ALG13: variants seen among roughly 807,000 people sequenced by gnomAD.
ALG13 encodes the protein UDP-N-acetylglucosamine transferase subunit ALG13.
Under a neutral mutation model 87.8 loss-of-function variants are expected in ALG13, and 11 were observed. That is an observed-to-expected ratio of 0.13 (90% CI 0.08 to 0.21). The LOEUF (loss-of-function observed/expected upper bound fraction) is 0.21. ALG13 is among the 10% of genes least tolerant of loss of function. ALG13 has a pLI of 1.00. For missense variants in ALG13, 756 were observed against 866.1 expected, an observed-to-expected ratio of 0.87 and a Z score of 1.60; for synonymous variants, 320 against 306.3, an observed-to-expected ratio of 1.04 and a Z score of -0.47.
intron 2 of ALG13, among the ~76,000 whole-genome samples, chrX:111,683,326 A>AT (rs763991466): frequency 0.052 from 3,277 of 63,544 alleles, 203 homozygotes; most frequent in African/African-American, 0.17. Flanking sequence ...CTTTCTTTCT[A>AT]TTTTTTTTTT....
At position 111,681,939 on chromosome X, in the gene ALG13, T is replaced by C. The variant is rs1036634000; in HGVS notation, c.82-193T>C. 5 of 873,200 alleles carry C rather than the reference T, an allele frequency of 5.7e-6. No homozygotes were observed. In the African/African-American group the frequency reaches 1.1e-4, roughly 19 times the overall value. 72.0% of individuals were successfully genotyped at this position (873,200 alleles called of 1,213,427 possible). ...CTGCGAGCTGGGTCGCTTAGATTCATGAGTGCTTGGGAGGTTCCTCGTCGG... is the reference window on the plus strand; with the variant it reads ...CTGCGAGCTGGGTCGCTTAGATTCACGAGTGCTTGGGAGGTTCCTCGTCGG... On this transcript the variant is annotated intron_variant, in intron 1 of 26. Transcript: ENST00000394780.
intron 11 of ALG13, 24 bp from the exon 12 acceptor site, chrX:111,721,579 G>A: frequency 2.1e-6 from 2 of 944,339 alleles, no homozygotes; most frequent in Non-Finnish European, 1.5e-6. Flanking sequence ...TTGTGAGTTT[G>A]TAGCATGATT....
At chrX:111,755,823 T>G (rs1945193785) in intron 25 of ALG13, among the ~76,000 whole-genome samples, 1 of 111,917 alleles carries the variant, frequency 8.9e-6, no homozygotes, top group Non-Finnish European at 1.9e-5. Flanking sequence ...TTGGTTGGAG[T>G]GTAAATTAGT....
intron 26 of ALG13, 72 bp downstream of exon 26, chrX:111,757,834 C>A: frequency 1.0e-6 from 1 of 1,003,373 alleles, no homozygotes; most frequent in Non-Finnish European, 1.4e-6. Context: ...TAATAGCTTT[C>A]ATATATTTCA....
intron 2 of ALG13, among the ~76,000 whole-genome samples, chrX:111,683,249 G>A (rs1283717512): frequency 9.1e-6 from 1 of 110,012 alleles, no homozygotes; most frequent in African/African-American, 3.3e-5. Context: ...TGTCCAGCCG[G>A]GAAGTGGTGG....
chrX:111,723,135 T>TTATG (rs886176837), intron 13 of ALG13, among the ~76,000 whole-genome samples: 1 of 106,965 alleles, frequency 9.3e-6, no homozygotes, highest in African/African-American at 3.4e-5. Context: ...TTTTTTATTT[T>TTATG]TATTTATTTA....
Position 111,726,914 on chromosome X carries a change from C to T in ALG13, c.1835C>T (p.Pro612Leu), listed in dbSNP as rs1277508323. ...TACGGCAAGGGAGACCCCCTCCTCC[C>T]ACCCAGGCTGCAGCACAGTATGCAT... ...MAYGKGDPLL[P>L]PRLQHSMHYG... The change falls in exon 16 of 27, where the codon CCA (proline) becomes CTA (leucine). Residue 612 changes from proline (P) to leucine (L), a missense_variant. Transcript: ENST00000394780. 1 of 1,209,595 alleles carries T rather than the reference C, an allele frequency of 8.3e-7. No individual in the cohort carries two copies. The highest frequency in any genetic ancestry group is 1.1e-6 in the Non-Finnish European group (1 of 895,090).
At chrX:111,695,536 A>C (rs1306899363) in intron 3 of ALG13, among the ~76,000 whole-genome samples, 3 of 110,118 alleles carry the variant, frequency 2.7e-5, no homozygotes, top group Admixed American at 1.9e-4. Flanking sequence ...AAAAAAAAAA[A>C]AACAAACCCT....
intron 3 of ALG13, among the ~76,000 whole-genome samples, chrX:111,705,417 A>T (rs1322987129): frequency 9.0e-6 from 1 of 111,580 alleles, no homozygotes; most frequent in Non-Finnish European, 1.9e-5. Context: ...ATTTTATTCC[A>T]GTCTATGGCT....
chrX:111,726,962 A>T lies in ALG13; in HGVS notation c.1883A>T (p.His628Leu), dbSNP rs868434152. ...CATTATGGGCACGATCCTCCAATGC[A>T]CTACTCACAGACAGCTGGCAATGTT... The part of the protein sequence containing the change: ...SMHYGHDPPM[H>L]YSQTAGNVMS... Residue 628 changes from histidine to leucine, a missense_variant, in exon 16 of 27, where the codon CAC becomes CTC. By Grantham distance (99) the His-to-Leu change is moderately conservative. Coordinates refer to ENST00000394780, the MANE Select transcript of ALG13 (RefSeq NM_001099922.3). 8.3e-7 allele frequency: 1 copy of T among 1,209,890 alleles called. No individual in the cohort carries two copies. The highest frequency in any genetic ancestry group is 1.1e-6 in the Non-Finnish European group (1 of 895,102).
chrX:111,702,765 T>TA (rs914790520), intron 3 of ALG13, among the ~76,000 whole-genome samples: 10 of 108,282 alleles, frequency 9.2e-5, no homozygotes, highest in Admixed American at 4.9e-4. Flanking sequence ...CCCCAGACTT[T>TA]AAAAAAAAAA....
chrX:111,737,794 C>T (rs1418648991), intron 23 of ALG13, among the ~76,000 whole-genome samples: 1 of 112,479 alleles, frequency 8.9e-6, no homozygotes, highest in Non-Finnish European at 1.9e-5. Flanking sequence ...TAGGTGAGTG[C>T]ATGAGGCACA....
At chrX:111,705,400 T>C (rs747736787) in intron 3 of ALG13, among the ~76,000 whole-genome samples, 2 of 111,918 alleles carry the variant, frequency 1.8e-5, no homozygotes, top group Non-Finnish European at 3.8e-5. Context: ...ATATGTGATG[T>C]AAAAATATTT....
chrX:111,720,177 T>A lies in ALG13; in HGVS notation c.1326+7T>A. The A allele has an allele frequency of 8.7e-7, 1 of 1,152,487 alleles. No homozygotes were observed. The highest frequency in any genetic ancestry group is 2.5e-5 in the Admixed American group (1 of 39,726). The allele number at this position is 1,152,487 out of a possible 1,213,427, so 95.0% of individuals were successfully genotyped here. On this transcript the variant is annotated splice_region_variant and intron_variant, in intron 11 of 26. Coordinates refer to ENST00000394780, the MANE Select transcript of ALG13 (RefSeq NM_001099922.3). ...AGGAACAGAAGAAACAAAGGTTTGA[T>A]ATTTTCTAAGGCAAAGAATTTTCAT...
At chrX:111,698,459 A>G (rs990197879) in intron 3 of ALG13, among the ~76,000 whole-genome samples, 1 of 111,196 alleles carries the variant, frequency 9.0e-6, no homozygotes, top group Non-Finnish European at 1.9e-5. Context: ...CCCAGAACTT[A>G]TGTCCTCTGT....
chrX:111,709,606 G>A (rs1411076843), intron 5 of ALG13, among the ~76,000 whole-genome samples: 1 of 110,048 alleles, frequency 9.1e-6, no homozygotes, highest in Non-Finnish European at 1.9e-5. Context: ...TTAACTTTAG[G>A]TAAAACAACT....
At chrX:111,688,175 C>G in intron 3 of ALG13, 1 of 830,200 alleles carries the variant, frequency 1.2e-6, no homozygotes, top group Non-Finnish European at 1.5e-6. Context: ...GGTCCAAATC[C>G]TAATTGCAGT....
chrX:111,735,810 A>G, intron 22 of ALG13, among the ~76,000 whole-genome samples: 1 of 110,975 alleles, frequency 9.0e-6, no homozygotes, highest in East Asian at 2.8e-4. Flanking sequence ...GGGTGGGAAG[A>G]AAATGGAGAC....
chrX:111,714,894 A>G (rs1940339105), intron 8 of ALG13, among the ~76,000 whole-genome samples: 1 of 112,269 alleles, frequency 8.9e-6, no homozygotes, highest in African/African-American at 3.2e-5. Context: ...AGGAGTGTTA[A>G]CTTTTGTATC....
Sources: gnomAD v4.1 joint callset for allele counts (sites outside exome capture counted in the v4.1 genomes callset) on GRCh38, gnomAD v4.1.1 for gene constraint, MANE v1.5 for transcripts, NCBI Gene and HGNC (gene_info 2026-07-23, HGNC 2026-07-21) for gene names.